The following VPS13B variants were observed in gnomAD, a reference collection of about 807,000 sequenced individuals.
VPS13B encodes the protein intermembrane lipid transfer protein VPS13B.
VPS13B carries 285 observed loss-of-function variants against 426.4 expected under a neutral mutation model. That is an observed-to-expected ratio of 0.67 (90% CI 0.61 to 0.74). VPS13B has a LOEUF of 0.74. Ranked by LOEUF, VPS13B falls within the 30% of genes least tolerant of loss-of-function variation. The pLI, the probability that VPS13B is intolerant of heterozygous loss-of-function variation, is 0.00. For missense variants in VPS13B, 4,537 were observed against 4,782.6 expected (o/e 0.95, Z 1.51); for synonymous variants, 1,676 against 1,676.4 (o/e 1.00, Z 0.01).
chr8:99,859,408 AC>A lies in VPS13B; in HGVS notation c.10975del (p.Arg3659GlyfsTer7), dbSNP rs1816713664. 6.2e-7 allele frequency: 1 copy of A among 1,613,956 alleles called. No homozygotes were observed. The highest frequency in any genetic ancestry group is 8.5e-7 in the Non-Finnish European group (1 of 1,180,022). On this transcript the variant is annotated frameshift_variant, in exon 57 of 62. Transcript: ENST00000357162. LOFTEE classifies it high-confidence loss of function. ...CTTCAGGCTTCCGTATGAGGGGCTG[AC>A]CCGGGGCCCTGGAGCCTTCGTGAGT... is the stretch of plus-strand genomic sequence containing the variant. ...DFFRLPYEGL[T>X]RGPGAFVSGV...
intron 44 of VPS13B, among the ~76,000 whole-genome samples, chr8:99,811,586 A>T (rs1224827896): frequency 6.6e-6 from 1 of 152,162 alleles, no homozygotes; most frequent in African/African-American, 2.4e-5. Context: ...GCTCCAGTCT[A>T]AACTTTCCCA....
In VPS13B at chr8:99,671,713, G is replaced by A. The variant is rs77865406; in HGVS notation, c.6046+10222G>A. Among the ~76,000 whole-genome samples, 210 of 152,022 alleles carry A rather than the reference G, an allele frequency of 1.4e-3. 2 individuals carry two copies. Among genetic ancestry groups the A allele is most frequent in the East Asian group, 0.011 (55 of 5,170 alleles). On this transcript the variant is annotated intron_variant, in intron 35 of 61. Coordinates refer to ENST00000357162, the MANE Select transcript of VPS13B (RefSeq NM_152564.5). ...CACTCTGTTACCTAGGCTGGAGTGC[G>A]GTGGTGTGATCATGGCTCACTGCAT...
At chr8:99,521,271 T>G (rs1822367971) in intron 30 of VPS13B, among the ~76,000 whole-genome samples, 1 of 152,184 alleles carries the variant, frequency 6.6e-6, no homozygotes, top group African/African-American at 2.4e-5. Flanking sequence ...TTGGAAAATT[T>G]TAGCAGATGT....
Position 99,876,314 on chromosome 8 carries a change from G to C in VPS13B, c.*648G>C, listed in dbSNP as rs1438174881. 6.5e-6 allele frequency: 1 copy of C among 152,982 alleles called. No homozygotes were observed. Among genetic ancestry groups the C allele is most frequent in the African/African-American group, 2.4e-5 (1 of 41,444 alleles). The allele number at this position is 152,982 out of a possible 1,614,324, so 9.5% of individuals were successfully genotyped here. ...ACTGCAGTGCTATTCTTTGAAAGCT[G>C]CTATGTGTATTTTCTCTGAAGTCTG... is the stretch of plus-strand genomic sequence containing the variant. On this transcript the variant is annotated 3_prime_UTR_variant, in exon 62 of 62. Transcript: ENST00000357162.
In VPS13B at chr8:99,481,601, C is replaced by T. The variant is rs143905569; in HGVS notation, c.3669C>T (p.Val1223=). Reference sequence around the variant, plus strand: ...TTTCTTTTTTCTTATGCTCTCAGGTCCAGCTCTTCTATGAACTAACTGATA... The same window carrying T: ...TTTCTTTTTTCTTATGCTCTCAGGTTCAGCTCTTCTATGAACTAACTGATA... ...SLEIKCSNPQ[V]QLFYELTDIM... is the part of the protein sequence containing the mutation. The change falls in exon 25 of 62, where the codon GTC becomes GTT. Residue 1223 remains valine, a splice_region_variant and synonymous_variant. Transcript: ENST00000357162. 3 of 1,613,372 alleles carry T rather than the reference C, an allele frequency of 1.9e-6. No individual in the cohort carries two copies. In the African/African-American group the frequency reaches 4.0e-5, roughly 22 times the overall value.
At position 99,493,397 on chromosome 8, in the gene VPS13B, A is replaced by G. The variant is rs557275058; in HGVS notation, c.3871-8290A>G. 2.6e-5 allele frequency among the ~76,000 whole-genome samples: 4 copies of G among 152,308 alleles called. No individual in the cohort carries two copies. The East Asian group carries it at 7.7e-4, about 29-fold the overall frequency. ...TCACTGTATATTTCCATGTTAAAAAAGTAATCTTAATTGAAAAGGTACTTG... is the reference window on the plus strand; with the variant it reads ...TCACTGTATATTTCCATGTTAAAAAGGTAATCTTAATTGAAAAGGTACTTG... On this transcript the variant is annotated intron_variant, in intron 25 of 61. Transcript: ENST00000357162.
intron 30 of VPS13B, among the ~76,000 whole-genome samples, chr8:99,537,951 C>G (rs1823347261): frequency 6.6e-6 from 1 of 152,068 alleles, no homozygotes; most frequent in African/African-American, 2.4e-5. Context: ...TAAAATATTT[C>G]TTATAATTGG....
chr8:99,658,921 TC>T (rs1005187532), intron 34 of VPS13B, among the ~76,000 whole-genome samples: 4 of 152,168 alleles, frequency 2.6e-5, no homozygotes, highest in African/African-American at 9.7e-5. Context: ...GCTCAGGTGA[TC>T]CTCCCACATT....
At chr8:99,044,228 C>T (rs747462692) in intron 3 of VPS13B, among the ~76,000 whole-genome samples, 2 of 151,190 alleles carry the variant, frequency 1.3e-5, no homozygotes, top group Non-Finnish European at 3.0e-5. Flanking sequence ...GGGCTACAGG[C>T]GCCCACCACC....
chr8:99,828,407 T>G lies in VPS13B; in HGVS notation c.9331-3962T>G, dbSNP rs1260218852. On this transcript the variant is annotated intron_variant, in intron 51 of 61. Coordinates refer to ENST00000357162, the MANE Select transcript of VPS13B (RefSeq NM_152564.5). ...ATTACAACCACCGTTTTTTTTTTTT[T>G]TTTTTTTTTTTTTTTTTTTTTTTTT... Among the ~76,000 whole-genome samples the G allele has an allele frequency of 1.7e-3, 90 of 52,186 alleles. 1 individual carries two copies. The highest frequency in any genetic ancestry group is 2.8e-3 in the Admixed American group (11 of 3,970). 34.2% of individuals were successfully genotyped at this position (52,186 alleles called of 152,430 possible).
intron 51 of VPS13B, among the ~76,000 whole-genome samples, chr8:99,825,257 T>A (rs1202983956): frequency 1.3e-5 from 2 of 152,242 alleles, no homozygotes; most frequent in African/African-American, 4.8e-5. Context: ...GACTTTTTAA[T>A]GATTGCCATT....
intron 39 of VPS13B, among the ~76,000 whole-genome samples, chr8:99,764,545 C>G (rs1334255306): frequency 1.3e-5 from 2 of 151,138 alleles, no homozygotes; most frequent in Non-Finnish European, 2.9e-5. Flanking sequence ...TCCTGAATAG[C>G]TGGGACTACA....
chr8:99,748,044 C>T (rs1810188377), intron 39 of VPS13B, among the ~76,000 whole-genome samples: 1 of 152,076 alleles, frequency 6.6e-6, no homozygotes, highest in South Asian at 2.1e-4. Context: ...TTTTTGTAAA[C>T]TTTCATGAAT....
chr8:99,042,080 TG>T (rs1427841617), intron 3 of VPS13B, among the ~76,000 whole-genome samples: 1 of 150,104 alleles, frequency 6.7e-6, no homozygotes, highest in Non-Finnish European at 1.5e-5. Flanking sequence ...GCGGAGGTTG[TG>T]GTGTGCAGAG....
At chr8:99,365,309 T>C (rs951093773) in intron 19 of VPS13B, among the ~76,000 whole-genome samples, 1 of 151,810 alleles carries the variant, frequency 6.6e-6, no homozygotes, top group African/African-American at 2.4e-5. Flanking sequence ...ATTCTACTGA[T>C]TTCAGATTTG....
rs1463093451 is a variant in VPS13B, at chr8:99,442,525, G to T, written c.3335G>T (p.Gly1112Val). 1 of 1,613,936 alleles carries T rather than the reference G, an allele frequency of 6.2e-7. No homozygotes were observed. The highest frequency in any genetic ancestry group is 1.3e-5 in the African/African-American group (1 of 75,022). Residue 1112 changes from glycine to valine, a missense_variant, in exon 23 of 62, where the codon GGA becomes GTA. Physicochemically the swap from Gly to Val is moderately radical, Grantham distance 109. This residue lies in a region of VPS13B where 4,311 missense variants were observed against 4,474.3 expected (regional missense o/e 0.96). Coordinates refer to ENST00000357162, the MANE Select transcript of VPS13B (RefSeq NM_152564.5). ...SWYHGQTSMP[G>V]TLVLCLPQIK... ...TACCATGGACAAACCAGCATGCCGGGAACACTTGTCCTCTGTTTGCCTCAA... is the reference window on the plus strand; with the variant it reads ...TACCATGGACAAACCAGCATGCCGGTAACACTTGTCCTCTGTTTGCCTCAA...
chr8:99,652,257 A>G (rs1177552736), intron 34 of VPS13B, among the ~76,000 whole-genome samples: 1 of 152,092 alleles, frequency 6.6e-6, no homozygotes, highest in Non-Finnish European at 1.5e-5. Context: ...GTGTGACCTT[A>G]GGCAAGTTAT....
chr8:99,859,383 C>A lies in VPS13B; in HGVS notation c.10947C>A (p.Phe3649Leu), dbSNP rs1228805413. The A allele has an allele frequency of 1.2e-6, 2 of 1,614,206 alleles. No individual in the cohort carries two copies. Among genetic ancestry groups the A allele is most frequent in the Non-Finnish European group, 1.7e-6 (2 of 1,180,052 alleles). ...GCATCGGGAACGGGGTCGCCGACTT[C>A]TTCAGGCTTCCGTATGAGGGGCTGA... is the stretch of plus-strand genomic sequence containing the variant. ...VRSIGNGVAD[F>L]FRLPYEGLTR... The change falls in exon 57 of 62, where the codon TTC (phenylalanine) becomes TTA (leucine). Residue 3649 changes from phenylalanine (F) to leucine (L), a missense_variant. This residue lies in a region of VPS13B where 4,311 missense variants were observed against 4,474.3 expected (regional missense o/e 0.96). Transcript: ENST00000357162.
At chr8:99,407,996 C>A (rs901842209) in intron 21 of VPS13B, among the ~76,000 whole-genome samples, 1 of 152,064 alleles carries the variant, frequency 6.6e-6, no homozygotes, top group African/African-American at 2.4e-5. Flanking sequence ...GTATTCTTGC[C>A]AAAATTCTTC....
Sources: allele counts gnomAD v4.1 joint callset (sites outside exome capture counted in the v4.1 genomes callset), GRCh38; gene constraint gnomAD v4.1.1; regional missense constraint gnomAD v4.1.1; transcripts MANE v1.5; gene names NCBI Gene and HGNC (gene_info 2026-07-23, HGNC 2026-07-21).